Variants in PIM3 observed in about 807,000 individuals in gnomAD.
PIM3 encodes serine/threonine-protein kinase pim-3.
PIM3 carries 13 observed loss-of-function variants against 27.5 expected under a neutral mutation model. The ratio of observed to expected loss-of-function variants is 0.47; its 90% CI spans 0.31 to 0.75. The LOEUF (loss-of-function observed/expected upper bound fraction) is 0.75. Among genes scored for constraint, PIM3 ranks in the 30% least tolerant of loss-of-function variants. The probability of loss-of-function intolerance (pLI) is 0.05; values close to 1 mark genes in which losing one functional copy is unlikely to be tolerated. For missense variants in PIM3, 482 were observed against 476.9 expected (o/e 1.01, Z -0.10); for synonymous variants, 341 against 221.1 (o/e 1.54, Z -4.81).
In PIM3 at chr22:49,963,092, G is replaced by A; in HGVS notation, c.946G>A (p.Val316Met). The A allele has an allele frequency of 6.2e-7, 1 of 1,610,356 alleles. No individual in the cohort carries two copies. Among genetic ancestry groups the A allele is most frequent in the Non-Finnish European group, 8.5e-7 (1 of 1,178,944 alleles). Residue 316 changes from valine to methionine, a missense_variant, in exon 6 of 6, where the codon GTG becomes ATG. Coordinates refer to ENST00000360612, the MANE Select transcript of PIM3 (RefSeq NM_001001852.4). ...LRLCTLDPDD[V>M]ASTTSSSESL The stretch of plus-strand genomic sequence containing the variant: ...GCTGTGCACCCTCGACCCTGATGAC[G>A]TGGCCAGCACCACGTCCAGCAGCGA...
Position 49,962,965 on chromosome 22 carries a change from C to T in PIM3, c.819C>T (p.Cys273=). 1.2e-6 allele frequency: 2 copies of T among 1,608,076 alleles called. No homozygotes were observed. The highest frequency in any genetic ancestry group is 1.7e-6 in the Non-Finnish European group (2 of 1,179,298). ...AGTGCCAGCAGCTGATCCGGTGGTGCCTGTCCCTGCGGCCCTCAGAGCGGC... is the reference window on the plus strand; with the variant it reads ...AGTGCCAGCAGCTGATCCGGTGGTGTCTGTCCCTGCGGCCCTCAGAGCGGC... ...SPECQQLIRW[C]LSLRPSERPS... Residue 273 remains cysteine (C), a synonymous_variant, in exon 6 of 6, where the codon TGC becomes TGT. Coordinates refer to ENST00000360612, the MANE Select transcript of PIM3 (RefSeq NM_001001852.4).
Position 49,960,993 on chromosome 22 carries a change from G to A in PIM3, c.46G>A (p.Gly16Ser). Residue 16 changes from glycine to serine, a missense_variant, in exon 1 of 6, where the codon GGC becomes AGC. Coordinates refer to ENST00000360612, the MANE Select transcript of PIM3 (RefSeq NM_001001852.4). ...FGSLAHLCGP[G>S]GVDHLPVKIL... ...CTCCCTGGCGCACCTCTGCGGGCCC[G>A]GCGGCGTGGACCACCTCCCGGTGAA... is the stretch of plus-strand genomic sequence containing the variant. The A allele has an allele frequency of 2.1e-6, 3 of 1,395,486 alleles. No homozygotes were observed. Among genetic ancestry groups the A allele is most frequent in the South Asian group, 2.9e-5 (2 of 69,588 alleles). The allele number at this position is 1,395,486 out of a possible 1,614,324, so 86.4% of individuals were successfully genotyped here.
Position 49,961,450 on chromosome 22 carries a change from G to A in PIM3, c.255G>A (p.Ala85=). Reference sequence around the variant, plus strand: ...ACCGCCGTGTCCCCCAGGGCGGCGCGACCGTGCCCCTGGAGGTGGTGCTGC... The same window carrying A: ...ACCGCCGTGTCCCCCAGGGCGGCGCAACCGTGCCCCTGGAGGTGGTGCTGC... The part of the protein sequence containing the change: ...RVTEWGSLGG[A]TVPLEVVLLR... The change falls in exon 4 of 6, where the codon GCG becomes GCA. Residue 85 remains alanine, a synonymous_variant. Coordinates refer to ENST00000360612, the MANE Select transcript of PIM3 (RefSeq NM_001001852.4). 1 of 1,434,252 alleles carries A rather than the reference G, an allele frequency of 7.0e-7. No individual in the cohort carries two copies. Among genetic ancestry groups the A allele is most frequent in the Non-Finnish European group, 9.1e-7 (1 of 1,099,488 alleles). 88.8% of individuals were successfully genotyped at this position (1,434,252 alleles called of 1,614,324 possible).
chr22:49,961,779 T>A lies in PIM3; in HGVS notation c.584T>A (p.Leu195Gln), dbSNP rs1044350828. 6.2e-7 allele frequency: 1 copy of A among 1,611,378 alleles called. No homozygotes were observed. Among genetic ancestry groups the A allele is most frequent in the African/African-American group, 1.3e-5 (1 of 74,592 alleles). The change falls in exon 4 of 6, where the codon CTG becomes CAG. Residue 195 changes from leucine to glutamine, a missense_variant. Physicochemically the swap from Leu to Gln is moderately radical, Grantham distance 113. Coordinates refer to ENST00000360612, the MANE Select transcript of PIM3 (RefSeq NM_001001852.4). ...LKLIDFGSGALLKDTVYTDFD... is the reference protein window; with the variant it reads ...LKLIDFGSGAQLKDTVYTDFD... The stretch of plus-strand genomic sequence containing the variant: ...CTCATCGACTTCGGTTCGGGTGCGC[T>A]GCTCAAGGACACGGTCTACACCGAC...
intron 4 of PIM3, among the ~76,000 whole-genome samples, chr22:49,962,365 C>G: frequency 6.8e-6 from 1 of 147,650 alleles, no homozygotes; most frequent in South Asian, 2.2e-4. Context: ...CCCCCGTTCC[C>G]GCAGGCAGGC....
Position 49,962,935 on chromosome 22 carries a change from C to T in PIM3, c.794-5C>T, listed in dbSNP as rs1403018938. ...GGCCCTCCCTGACCTCTCCGCTCCG[C>T]ACAGAGTGCCAGCAGCTGATCCGGT... On this transcript the variant is annotated splice_region_variant and splice_polypyrimidine_tract_variant and intron_variant, in intron 5 of 5. Coordinates refer to ENST00000360612, the MANE Select transcript of PIM3 (RefSeq NM_001001852.4). 3 of 1,602,618 alleles carry T rather than the reference C, an allele frequency of 1.9e-6. No homozygotes were observed. In the African/African-American group the frequency reaches 4.0e-5, roughly 21 times the overall value.
chr22:49,963,854 G>A lies in PIM3; in HGVS notation c.*727G>A, dbSNP rs768637185. The A allele has an allele frequency of 2.0e-5, 3 of 152,386 alleles. No homozygotes were observed. Among genetic ancestry groups the A allele is most frequent in the Non-Finnish European group, 2.9e-5 (2 of 68,064 alleles). 9.4% of individuals were successfully genotyped at this position (152,386 alleles called of 1,614,324 possible). On this transcript the variant is annotated 3_prime_UTR_variant, in exon 6 of 6. Transcript: ENST00000360612. ...TGACACTTCCAGGCACTGTGCCCAG[G>A]GTTTGGGTTTTAAATTATTGACTTT...
At chr22:49,962,225 C>T (rs913191777) in intron 4 of PIM3, among the ~76,000 whole-genome samples, 17 of 151,646 alleles carry the variant, frequency 1.1e-4, no homozygotes, top group Non-Finnish European at 2.2e-4. Context: ...GCGGGGCCTC[C>T]CCTGCGTGGG....
rs1450234425 is a variant in PIM3 at position 49,961,024 on chromosome 22, T to C, written c.77T>C (p.Leu26Pro). The change falls in exon 1 of 6, where the codon CTG becomes CCG. Residue 26 changes from leucine to proline, a missense_variant. Transcript: ENST00000360612. ...GTGGACCACCTCCCGGTGAAGATCC[T>C]GCAGCCAGGTACGCGCGGGGCCGGC... is the stretch of plus-strand genomic sequence containing the variant. ...GGVDHLPVKI[L>P]QPAKADKESF... 4 of 1,377,166 alleles carry C rather than the reference T, an allele frequency of 2.9e-6. No homozygotes were observed. Among genetic ancestry groups the C allele is most frequent in the South Asian group, 1.5e-5 (1 of 64,900 alleles). 85.3% of individuals were successfully genotyped at this position (1,377,166 alleles called of 1,614,324 possible). A position where few individuals can be genotyped will look rare whatever the true frequency, so the allele number is the denominator to read the frequency against.
At position 49,961,597 on chromosome 22, in the gene PIM3, C is replaced by T. The variant is rs1348063082; in HGVS notation, c.402C>T (p.Asp134=). The T allele has an allele frequency of 1.9e-6, 3 of 1,549,238 alleles. No individual in the cohort carries two copies. Among genetic ancestry groups the T allele is most frequent in the Admixed American group, 3.9e-5 (2 of 51,080 alleles). Residue 134 remains aspartate (D), a synonymous_variant, in exon 4 of 6, where the codon GAC becomes GAT. Transcript: ENST00000360612. The stretch of plus-strand genomic sequence containing the variant: ...CCGAGCCGGCGCAGGACCTCTTCGA[C>T]TTTATCACGGAGCGCGGCGCCCTGG... ...ERPEPAQDLF[D]FITERGALDE...
intron 4 of PIM3, 98 bp from the exon 5 acceptor site, chr22:49,962,591 C>T (rs921144261): frequency 2.3e-5 from 31 of 1,338,624 alleles, no homozygotes; most frequent in African/African-American, 2.2e-4. Context: ...GGCTCTGCTT[C>T]CTGTTACTGA....
intron 4 of PIM3, 115 bp from the exon 5 acceptor site, chr22:49,962,574 G>T: frequency 2.5e-6 from 3 of 1,197,828 alleles, no homozygotes; most frequent in Non-Finnish European, 3.4e-6. Context: ...GCAGGATTTT[G>T]AGGCCTGGCT....
intron 4 of PIM3, among the ~76,000 whole-genome samples, chr22:49,962,481 C>T (rs1204589636): frequency 2.6e-5 from 4 of 151,768 alleles, no homozygotes; most frequent in Non-Finnish European, 4.4e-5. Context: ...ACCTGCTCCT[C>T]CCCCGCGGCC....
Position 49,962,762 on chromosome 22 carries a change from G to T in PIM3, c.690G>T (p.Ser230=). Residue 230 remains serine, a synonymous_variant, in exon 5 of 6, where the codon TCG becomes TCT. Transcript: ENST00000360612. ...RYHGRSATVW[S]LGVLLYDMVC... ...ACGGGCGCTCGGCCACCGTGTGGTC[G>T]CTGGGCGTGCTTCTCTACGATATGG... 3 of 1,612,708 alleles carry T rather than the reference G, an allele frequency of 1.9e-6. No homozygotes were observed. The highest frequency in any genetic ancestry group is 1.7e-6 in the Non-Finnish European group (2 of 1,179,962).
At chr22:49,962,316 C>T (rs1279116524) in intron 4 of PIM3, among the ~76,000 whole-genome samples, 1 of 144,528 alleles carries the variant, frequency 6.9e-6, no homozygotes, top group African/African-American at 2.5e-5. Flanking sequence ...AGCCGGGGCT[C>T]CCCGCCCGCC....
Position 49,961,480 on chromosome 22 carries a change from C to T in PIM3, c.285C>T (p.Arg95=), listed in dbSNP as rs1322165813. The T allele has an allele frequency of 1.3e-6, 2 of 1,490,614 alleles. No individual in the cohort carries two copies. The highest frequency in any genetic ancestry group is 1.3e-5 in the South Asian group (1 of 76,466). The allele number at this position is 1,490,614 out of a possible 1,614,324, so 92.3% of individuals were successfully genotyped here. A position where few individuals can be genotyped will look rare whatever the true frequency, so the allele number is the denominator to read the frequency against. ...ATVPLEVVLL[R]KVGAAGGARG... is the part of the protein sequence containing the mutation. ...TGCCCCTGGAGGTGGTGCTGCTGCG[C>T]AAGGTGGGCGCGGCGGGCGGCGCGC... Residue 95 remains arginine, a synonymous_variant, in exon 4 of 6, where the codon CGC becomes CGT. Transcript: ENST00000360612.
chr22:49,961,398 C>CG (rs1353114725), intron 3 of PIM3, 30 bp downstream of exon 3: 10 of 1,413,954 alleles, frequency 7.1e-6, no homozygotes, highest in African/African-American at 4.5e-5. Context: ...GCGGCGGCGG[C>CG]GGGGGGCGGG....
rs774051299 is a variant in PIM3, at chr22:49,961,154, G to T, written c.115G>T (p.Ala39Ser). ...AKADKESFEK[A>S]YQVGAVLGSG... The stretch of plus-strand genomic sequence containing the variant: ...GGCGGACAAGGAGAGCTTCGAGAAG[G>T]CGTACCAGGTGGGCGCCGTGCTGGG... The change falls in exon 2 of 6, where the codon GCG becomes TCG. Residue 39 changes from alanine (A) to serine (S), a missense_variant. Physicochemically the swap from Ala to Ser is moderately conservative, Grantham distance 99 (BLOSUM62 1). Transcript: ENST00000360612. 1.3e-6 allele frequency: 2 copies of T among 1,526,878 alleles called. No individual in the cohort carries two copies. The highest frequency in any genetic ancestry group is 2.8e-5 in the East Asian group (1 of 35,900). 94.6% of individuals were successfully genotyped at this position (1,526,878 alleles called of 1,614,324 possible).
rs932789751 is a variant in PIM3 at position 49,963,073 on chromosome 22, C to T, written c.927C>T (p.Cys309=). The T allele has an allele frequency of 2.5e-6, 4 of 1,611,280 alleles. No individual in the cohort carries two copies. Among genetic ancestry groups the T allele is most frequent in the African/African-American group, 2.7e-5 (2 of 74,894 alleles). The stretch of plus-strand genomic sequence containing the variant: ...CGGAGAGCTGTGACCTGCGGCTGTG[C>T]ACCCTCGACCCTGATGACGTGGCCA... ...GVPESCDLRL[C]TLDPDDVAST... is the part of the protein sequence containing the mutation. The change falls in exon 6 of 6, where the codon TGC becomes TGT. Residue 309 remains cysteine (C), a synonymous_variant. Coordinates refer to ENST00000360612, the MANE Select transcript of PIM3 (RefSeq NM_001001852.4).
Sources: gnomAD v4.1 joint callset for allele counts (sites outside exome capture counted in the v4.1 genomes callset) on GRCh38, gnomAD v4.1.1 for gene constraint, MANE v1.5 for transcripts, NCBI Gene and HGNC (gene_info 2026-07-23, HGNC 2026-07-21) for gene names.